Variants in KIF1B observed in about 807,000 individuals in gnomAD.
The protein encoded by KIF1B is kinesin-like protein KIF1B.
Under a neutral mutation model 241.9 loss-of-function variants are expected in KIF1B, and 76 were observed. The observed-to-expected ratio is 0.31, with a 90% CI of 0.26 to 0.38. The LOEUF is 0.38. Among genes scored for constraint, KIF1B ranks in the 10% least tolerant of loss-of-function variants. KIF1B has a pLI of 1.00. For synonymous variants in KIF1B, 750 were observed against 796.7 expected, an observed-to-expected ratio of 0.94 and a Z score of 0.99; for missense variants, 1,622 against 2,271.4, an observed-to-expected ratio of 0.71 and a Z score of 5.81.
chr1:10,286,354 G>A lies in KIF1B; in HGVS notation c.1434+3821G>A, dbSNP rs576600253. 5.9e-4 allele frequency among the ~76,000 whole-genome samples: 90 copies of A among 152,274 alleles called. 1 individual carries two copies. The highest frequency in any genetic ancestry group is 6.8e-3 in the Middle Eastern group (2 of 294). On this transcript the variant is annotated intron_variant, in intron 15 of 48. Transcript: ENST00000676179. The stretch of plus-strand genomic sequence containing the variant: ...CATGCCAGGTCTTCCTGTCAAATAA[G>A]GTTTTAAACATGCAGCTGTAGCCAC...
intron 22 of KIF1B, among the ~76,000 whole-genome samples, chr1:10,311,606 T>C (rs754704290): frequency 6.6e-6 from 1 of 151,470 alleles, no homozygotes; most frequent in African/African-American, 2.5e-5. Flanking sequence ...GCTGCTCTTA[T>C]CAGAGTCACA....
chr1:10,298,298 T>C (rs937538327), intron 22 of KIF1B, among the ~76,000 whole-genome samples: 3 of 152,188 alleles, frequency 2.0e-5, no homozygotes, highest in African/African-American at 7.2e-5. Flanking sequence ...CTTCTAGTCA[T>C]GCTCTGTGCT....
chr1:10,250,792 C>T (rs1304385980), intron 2 of KIF1B, among the ~76,000 whole-genome samples: 2 of 152,230 alleles, frequency 1.3e-5, no homozygotes, highest in Non-Finnish European at 2.9e-5. Context: ...AGCCACTGTA[C>T]TCCAGCCTGG....
chr1:10,361,161 C>T (rs1489317395), intron 39 of KIF1B, 118 bp downstream of exon 39: 3 of 747,402 alleles, frequency 4.0e-6, no homozygotes, highest in Admixed American at 3.9e-5. Context: ...TCCTCCACAT[C>T]CTTAAGTTTT....
intron 38 of KIF1B, 30 bp from the exon 39 acceptor site, chr1:10,360,899 G>A (rs1162878589): frequency 2.0e-6 from 3 of 1,488,438 alleles, no homozygotes; most frequent in East Asian, 2.3e-5. Context: ...GCTTCTTTTG[G>A]ATGATTCCCT....
At position 10,334,560 on chromosome 1, in the gene KIF1B, C is replaced by T; in HGVS notation, c.2965C>T (p.Leu989=). The T allele has an allele frequency of 2.5e-6, 4 of 1,614,108 alleles. No homozygotes were observed. Among genetic ancestry groups the T allele is most frequent in the East Asian group, 2.2e-5 (1 of 44,876 alleles). Residue 989 remains leucine (L), a synonymous_variant, in exon 28 of 49, where the codon CTG becomes TTG. Transcript: ENST00000676179. Reference sequence around the variant, plus strand: ...GAGCAATCTGCTGTATCCCGTGCCCCTGATCCACAGGGTGGCCATCGTCAG... The same window carrying T: ...GAGCAATCTGCTGTATCCCGTGCCCTTGATCCACAGGGTGGCCATCGTCAG... The part of the protein sequence containing the change: ...YLSNLLYPVP[L]IHRVAIVSEK...
At chr1:10,264,408 T>C (rs1286942824) in intron 5 of KIF1B, among the ~76,000 whole-genome samples, 2 of 152,200 alleles carry the variant, frequency 1.3e-5, no homozygotes, top group African/African-American at 4.8e-5. Flanking sequence ...GATTCACATA[T>C]CAGAGCATAA....
At chr1:10,282,591 T>G in intron 15 of KIF1B, 58 bp downstream of exon 15, 1 of 1,404,484 alleles carries the variant, frequency 7.1e-7, no homozygotes, top group Non-Finnish European at 1.0e-6. Context: ...AAGGAAGAAC[T>G]AGGAGTAAAA....
At chr1:10,222,825 T>G (rs1646862216) in intron 1 of KIF1B, among the ~76,000 whole-genome samples, 3 of 152,250 alleles carry the variant, frequency 2.0e-5, no homozygotes, top group African/African-American at 7.2e-5. Flanking sequence ...AAGAACAGTT[T>G]AGAACTCAGG....
In KIF1B at chr1:10,374,475, A is replaced by G. The variant is rs368859097; in HGVS notation, c.5096+10A>G. 9.3e-6 allele frequency: 15 copies of G among 1,614,064 alleles called. No individual in the cohort carries two copies. The African/African-American group carries it at 1.1e-4, about 11-fold the overall frequency. Reference sequence around the variant, plus strand: ...AAGAAATTAGACCAAGGTGAGTACTATATTGAGCAGGAATGCCAGCTATAA... The same window carrying G: ...AAGAAATTAGACCAAGGTGAGTACTGTATTGAGCAGGAATGCCAGCTATAA... On this transcript the variant is annotated intron_variant, in intron 46 of 48. Transcript: ENST00000676179. The surrounding 1 kb of genome is among the most constrained non-coding windows in gnomAD (Gnocchi z 4.3).
intron 2 of KIF1B, among the ~76,000 whole-genome samples, chr1:10,234,782 A>G (rs1018997626): frequency 6.6e-6 from 1 of 151,924 alleles, no homozygotes; most frequent in Non-Finnish European, 1.5e-5. Flanking sequence ...TTGGCCTCCC[A>G]AAGTGTTGGG....
Position 10,345,916 on chromosome 1 carries a change from G to A in KIF1B, c.3760G>A (p.Val1254Ile), listed in dbSNP as rs1490841470. Reference sequence around the variant, plus strand: ...GAGCATGAGCAAGTATGACCTCCTGGTTTGGTTTGAGATCAGTGAACTGGA... The same window carrying A: ...GAGCATGAGCAAGTATGACCTCCTGATTTGGTTTGAGATCAGTGAACTGGA... ...GQSMSKYDLL[V>I]WFEISELEPT... The change falls in exon 35 of 49, where the codon GTT becomes ATT. Residue 1254 changes from valine (V) to isoleucine (I), a missense_variant. Coordinates refer to ENST00000676179, the MANE Select transcript of KIF1B (RefSeq NM_001365951.3). 6.2e-7 allele frequency: 1 copy of A among 1,614,052 alleles called. No homozygotes were observed. The highest frequency in any genetic ancestry group is 8.5e-7 in the Non-Finnish European group (1 of 1,179,938).
chr1:10,234,651 AGCCGGGGCTACAGGCATGT>A (rs1298675839), intron 2 of KIF1B, among the ~76,000 whole-genome samples: 1 of 151,230 alleles, frequency 6.6e-6, no homozygotes, highest in Non-Finnish European at 1.5e-5. Flanking sequence ...CCTCCCAAGT[AGCCGGGGCTACAGGCATGT>A]GCCACTATGC....
intron 1 of KIF1B, among the ~76,000 whole-genome samples, chr1:10,218,628 C>G (rs1329890308): frequency 6.6e-6 from 1 of 152,118 alleles, no homozygotes; most frequent in African/African-American, 2.4e-5. Context: ...ATCATGTTGG[C>G]CAGGCTGGTC....
intron 43 of KIF1B, among the ~76,000 whole-genome samples, chr1:10,367,087 A>C (rs1397965349): frequency 6.6e-6 from 1 of 152,008 alleles, no homozygotes; most frequent in East Asian, 1.9e-4. Context: ...GAAATGATAA[A>C]AGCTTTTTAA....
intron 5 of KIF1B, among the ~76,000 whole-genome samples, chr1:10,262,794 C>T (rs990286148): frequency 1.3e-5 from 2 of 152,028 alleles, no homozygotes; most frequent in Admixed American, 1.3e-4. Context: ...AACTCTTCTC[C>T]TTTAATATTG....
chr1:10,352,654 G>C lies in KIF1B; in HGVS notation c.3973G>C (p.Val1325Leu). 1.2e-6 allele frequency: 2 copies of C among 1,613,930 alleles called. No homozygotes were observed. Among genetic ancestry groups the C allele is most frequent in the Non-Finnish European group, 1.7e-6 (2 of 1,179,888 alleles). Residue 1325 changes from valine to leucine, a missense_variant, in exon 38 of 49, where the codon GTG (valine) becomes CTG (leucine). Val to Leu is a conservative substitution (Grantham distance 32, BLOSUM62 1). Transcript: ENST00000676179. ...VVGRIRNKPEVDEAAVDAILS... is the reference protein window; with the variant it reads ...VVGRIRNKPELDEAAVDAILS... ...AGGTCGTATTCGGAATAAGCCTGAGGTGGATGAAGCTGCAGTTGATGCCAT... is the reference window on the plus strand; with the variant it reads ...AGGTCGTATTCGGAATAAGCCTGAGCTGGATGAAGCTGCAGTTGATGCCAT...
chr1:10,257,113 TTTTG>T (rs977944244), intron 3 of KIF1B, among the ~76,000 whole-genome samples: 12 of 151,926 alleles, frequency 7.9e-5, no homozygotes, highest in Admixed American at 5.9e-4. Context: ...ATTGTTTTTT[TTTTG>T]TTTGTTTGTT....
At position 10,291,178 on chromosome 1, in the gene KIF1B, CTG is replaced by C; in HGVS notation, c.1514+18_1514+19del. On this transcript the variant is annotated intron_variant, in intron 16 of 48. Coordinates refer to ENST00000676179, the MANE Select transcript of KIF1B (RefSeq NM_001365951.3). ...AATGGAGAGGTCAGGAGGTTAAAAT[CTG>C]GAAATGTTTCTAAGTTTTCTAGGGG... 6.4e-7 allele frequency: 1 copy of C among 1,562,160 alleles called. No homozygotes were observed. The highest frequency in any genetic ancestry group is 1.1e-5 in the South Asian group (1 of 89,672).
Sources: gnomAD v4.1 joint callset for allele counts (sites outside exome capture counted in the v4.1 genomes callset) on GRCh38, gnomAD v4.1.1 for gene constraint, Gnocchi (gnomAD v3.1) non-coding constraint, MANE v1.5 for transcripts, NCBI Gene and HGNC (gene_info 2026-07-23, HGNC 2026-07-21) for gene names.